Variants in CPLX2 observed in about 807,000 individuals in gnomAD.
CPLX2 encodes the protein complexin-2.
A neutral mutation model predicts 16.3 loss-of-function variants in CPLX2; 5 were observed. The observed-to-expected ratio is 0.31, with a 90% CI of 0.16 to 0.64. The LOEUF (loss-of-function observed/expected upper bound fraction) is 0.64, where lower values mean the gene tolerates loss of function less well. Ranked by LOEUF, CPLX2 falls within the 30% of genes least tolerant of loss-of-function variation. CPLX2 has a pLI of 0.79. For missense variants in CPLX2, 144 were observed against 181.4 expected (o/e 0.79, Z 1.18); for synonymous variants, 89 against 73.2 (o/e 1.22, Z -1.10).
At chr5:175,831,481 C>A (rs1758734970) in intron 2 of CPLX2, among the ~76,000 whole-genome samples, 2 of 152,206 alleles carry the variant, frequency 1.3e-5, no homozygotes. Flanking sequence ...TGAGAACCAA[C>A]AGGGCCCATC....
chr5:175,804,761 G>C (rs1459651654), intron 1 of CPLX2, among the ~76,000 whole-genome samples: 6 of 152,146 alleles, frequency 3.9e-5, no homozygotes, highest in Non-Finnish European at 7.4e-5. Flanking sequence ...CTGAAAGCCT[G>C]GTCAACTCTT....
rs577013076 is a variant in CPLX2, at chr5:175,836,112, A to T, written c.-89+27044A>T. Among the ~76,000 whole-genome samples the T allele has an allele frequency of 4.3e-4, 65 of 152,262 alleles. 1 individual carries two copies. The highest frequency in any genetic ancestry group is 4.0e-3 in the Admixed American group (61 of 15,298). On this transcript the variant is annotated intron_variant, in intron 2 of 4. Coordinates refer to the CPLX2 transcript ENST00000359546. ...ACGCCTGTAATTCCAGCACTTTGGG[A>T]GGCCAAGGCGGGCAGATCACGAGGT...
Position 175,881,723 on chromosome 5 carries a change from T to C in CPLX2, c.*1678T>C, listed in dbSNP as rs1755612171. 1 of 152,644 alleles carries C rather than the reference T, an allele frequency of 6.6e-6. No individual in the cohort carries two copies. The highest frequency in any genetic ancestry group is 1.5e-5 in the Non-Finnish European group (1 of 68,040). 9.5% of individuals were successfully genotyped at this position (152,644 alleles called of 1,614,324 possible). A position where few individuals can be genotyped will look rare whatever the true frequency, so the allele number is the denominator to read the frequency against. On this transcript the variant is annotated 3_prime_UTR_variant, in exon 4 of 4. Transcript: ENST00000393745. ...TCCTTGGCCTAGAGTCCTCCCACCC[T>C]TGGGGGGCTCCTGCCTGAGGTCCTC... is the stretch of plus-strand genomic sequence containing the variant.
At chr5:175,877,249 A>C (rs1372972843) in intron 1 of CPLX2, among the ~76,000 whole-genome samples, 1 of 144,912 alleles carries the variant, frequency 6.9e-6, no homozygotes, top group African/African-American at 2.6e-5. Context: ...CCTACACATC[A>C]TGACTTTCTC....
intron 3 of CPLX2, 130 bp downstream of exon 3, chr5:175,879,213 T>C: frequency 1.0e-6 from 1 of 998,542 alleles, no homozygotes; most frequent in South Asian, 1.7e-5. Context: ...CTCACTCTTC[T>C]CATCAGCAAA....
upstream of CPLX2, among the ~76,000 whole-genome samples, chr5:175,870,847 G>C (rs1759574184): frequency 1.3e-5 from 2 of 152,182 alleles, no homozygotes; most frequent in South Asian, 4.1e-4. Context: ...TTTTGCATCA[G>C]TCTTCTCTTT....
At position 175,876,858 on chromosome 5, in the gene CPLX2, T is replaced by C. The variant is rs551427771; in HGVS notation, c.-88-1794T>C. Among the ~76,000 whole-genome samples the C allele has an allele frequency of 2.0e-5, 3 of 152,312 alleles. No homozygotes were observed. The South Asian group carries it at 6.2e-4, about 32-fold the overall frequency. On this transcript the variant is annotated intron_variant, in intron 1 of 3. Coordinates refer to ENST00000393745, the MANE Select transcript of CPLX2 (RefSeq NM_001008220.2). ...TTAGAAATGAAGTTTTTTCACAATGTATTAAATCGAACGAAAACATCTTGA... is the reference window on the plus strand; with the variant it reads ...TTAGAAATGAAGTTTTTTCACAATGCATTAAATCGAACGAAAACATCTTGA...
At chr5:175,799,457 G>A (rs1758046861) in intron 1 of CPLX2, among the ~76,000 whole-genome samples, 1 of 150,336 alleles carries the variant, frequency 6.7e-6, no homozygotes. Flanking sequence ...AGGAAGGGGG[G>A]CAAGAAATAC....
chr5:175,821,597 G>A (rs979962788), intron 2 of CPLX2, among the ~76,000 whole-genome samples: 6 of 151,978 alleles, frequency 3.9e-5, no homozygotes, highest in East Asian at 1.9e-4. Context: ...TAGTAGAGAC[G>A]GGATTTCACC....
At chr5:175,836,298 C>T (rs943899860) in intron 2 of CPLX2, among the ~76,000 whole-genome samples, 1 of 152,042 alleles carries the variant, frequency 6.6e-6, no homozygotes, top group African/African-American at 2.4e-5. Flanking sequence ...TGCAGTGAGC[C>T]GAGATCGTGC....
At position 175,881,432 on chromosome 5, in the gene CPLX2, GT is replaced by G. The variant is rs1755595125; in HGVS notation, c.*1388del. ...GCTATCCATCTCGTGTTTAGAGGCT[GT>G]ATATGTTAGCTTGTGTAAGAATGTG... On this transcript the variant is annotated 3_prime_UTR_variant, in exon 4 of 4. Coordinates refer to ENST00000393745, the MANE Select transcript of CPLX2 (RefSeq NM_001008220.2). The G allele has an allele frequency of 6.5e-6, 1 of 153,480 alleles. No individual in the cohort carries two copies. Among genetic ancestry groups the G allele is most frequent in the African/African-American group, 2.4e-5 (1 of 41,440 alleles). 9.5% of individuals were successfully genotyped at this position (153,480 alleles called of 1,614,324 possible). A position where few individuals can be genotyped will look rare whatever the true frequency, so the allele number is the denominator to read the frequency against.
chr5:175,876,292 G>A (rs1380486522), intron 1 of CPLX2, among the ~76,000 whole-genome samples: 2 of 152,126 alleles, frequency 1.3e-5, no homozygotes, highest in African/African-American at 4.8e-5. Context: ...TGAATATAGA[G>A]GTCTAGGTGT....
intron 2 of CPLX2, among the ~76,000 whole-genome samples, chr5:175,815,688 T>A (rs559088850): frequency 7.2e-5 from 11 of 152,350 alleles, no homozygotes; most frequent in Non-Finnish European, 1.6e-4. Context: ...ACAACTAAGA[T>A]GAGACATCAC....
At chr5:175,867,414 C>G (rs934422663), upstream of CPLX2, among the ~76,000 whole-genome samples, 4 of 152,122 alleles carry the variant, frequency 2.6e-5, no homozygotes, top group African/African-American at 9.7e-5. Context: ...GCATTACTGG[C>G]TGACAGCAAC....
At chr5:175,842,605 C>T (rs969633778) in intron 2 of CPLX2, among the ~76,000 whole-genome samples, 29 of 152,346 alleles carry the variant, frequency 1.9e-4, no homozygotes, top group African/African-American at 5.5e-4. Flanking sequence ...CGTGGAAGGA[C>T]GGCCATGGGG....
chr5:175,827,027 G>C (rs567977513), intron 2 of CPLX2, among the ~76,000 whole-genome samples: 11 of 152,242 alleles, frequency 7.2e-5, no homozygotes, highest in Middle Eastern at 3.4e-3. Context: ...GCCAGCTCTC[G>C]TCACAGGGTG....
chr5:175,879,904 G>C lies in CPLX2; in HGVS notation c.264G>C (p.Gln88His). Residue 88 changes from glutamine (Q) to histidine (H), a missense_variant, in exon 4 of 4, where the codon CAG becomes CAC. By Grantham distance (24) the Gln-to-His change is conservative. Coordinates refer to ENST00000393745, the MANE Select transcript of CPLX2 (RefSeq NM_001008220.2). ...KEAEEKAALEQPCEGSLTRPK... is the reference protein window; with the variant it reads ...KEAEEKAALEHPCEGSLTRPK... ...CAGAGGAGAAAGCAGCCCTGGAGCA[G>C]CCCTGCGAGGGGAGCCTGACCCGGC... The C allele has an allele frequency of 6.2e-7, 1 of 1,613,850 alleles. No individual in the cohort carries two copies. The highest frequency in any genetic ancestry group is 8.5e-7 in the Non-Finnish European group (1 of 1,179,918).
At position 175,809,467 on chromosome 5, in the gene CPLX2, G is replaced by T. The variant is rs1022845187; in HGVS notation, c.-89+399G>T. ...GGCCTGTGCACATTGTAGGTGCTTGGTACATGTTTGATGAATGAATGAATG... is the reference window on the plus strand; with the variant it reads ...GGCCTGTGCACATTGTAGGTGCTTGTTACATGTTTGATGAATGAATGAATG... On this transcript the variant is annotated intron_variant, in intron 2 of 4. Transcript: ENST00000359546. The surrounding 1 kb of genome is among the most constrained non-coding windows in gnomAD (Gnocchi z 4.4). 3 of 152,180 alleles carry T rather than the reference G, an allele frequency of 2.0e-5. No homozygotes were observed. Among genetic ancestry groups the T allele is most frequent in the African/African-American group, 7.2e-5 (3 of 41,426 alleles). The allele number at this position is 152,180 out of a possible 1,614,324, so 9.4% of individuals were successfully genotyped here. A position where few individuals can be genotyped will look rare whatever the true frequency, so the allele number is the denominator to read the frequency against.
chr5:175,799,565 T>TATATATATAC (rs1758053736), intron 1 of CPLX2, among the ~76,000 whole-genome samples: 1 of 144,084 alleles, frequency 6.9e-6, no homozygotes, highest in African/African-American at 2.6e-5. Flanking sequence ...TATATATATA[T>TATATATATAC]ATATATATAT....
Sources: allele counts gnomAD v4.1 joint callset (sites outside exome capture counted in the v4.1 genomes callset), GRCh38; gene constraint gnomAD v4.1.1; non-coding constraint Gnocchi (gnomAD v3.1); transcripts MANE v1.5; gene names NCBI Gene and HGNC (gene_info 2026-07-23, HGNC 2026-07-21).